The following RBM44 variants were observed in gnomAD, a reference collection of about 807,000 sequenced individuals.
RBM44 encodes the protein RNA-binding protein 44.
Under a neutral mutation model 105.1 loss-of-function variants are expected in RBM44, and 66 were observed. The observed-to-expected ratio is 0.63, with a 90% confidence interval of 0.52 to 0.77. The LOEUF (loss-of-function observed/expected upper bound fraction) is 0.77. RBM44 is among the 30% of genes least tolerant of loss of function. The pLI, the probability that RBM44 is intolerant of heterozygous loss-of-function variation, is 0.00. For missense variants in RBM44, 1,122 were observed against 1,207.8 expected (o/e 0.93, Z 1.05); for synonymous variants, 365 against 417.6 (o/e 0.87, Z 1.54).
Position 237,818,820 on chromosome 2 carries a change from T to G in RBM44, c.1678-81T>G. The G allele has an allele frequency of 1.2e-6, 1 of 831,996 alleles. No homozygotes were observed. Among genetic ancestry groups the G allele is most frequent in the East Asian group, 2.8e-5 (1 of 36,152 alleles). The allele number at this position is 831,996 out of a possible 1,614,324, so 51.5% of individuals were successfully genotyped here. A position where few individuals can be genotyped will look rare whatever the true frequency, so the allele number is the denominator to read the frequency against. ...CTGGCAGCTCCTCCCACAAAATCCA[T>G]TAGAAATTGAATTGTACATTTTATT... On this transcript the variant is annotated intron_variant, in intron 3 of 15. Transcript: ENST00000316997. The surrounding 1 kb of genome is among the most constrained non-coding windows in gnomAD (Gnocchi z 4.6).
chr2:237,823,827 C>T (rs2061818878), intron 9 of RBM44, among the ~76,000 whole-genome samples: 1 of 151,994 alleles, frequency 6.6e-6, no homozygotes, highest in Admixed American at 6.6e-5. Context: ...TAATTTGTAT[C>T]TCTGTAAATT....
At chr2:237,802,675 C>T (rs571520917) in intron 1 of RBM44, among the ~76,000 whole-genome samples, 1 of 152,280 alleles carries the variant, frequency 6.6e-6, no homozygotes, top group South Asian at 2.1e-4. Flanking sequence ...AATTGTATGC[C>T]TGTTGTGCTT....
intron 15 of RBM44, among the ~76,000 whole-genome samples, chr2:237,837,378 T>C (rs1217485750): frequency 6.6e-6 from 1 of 152,094 alleles, no homozygotes; most frequent in East Asian, 1.9e-4. Context: ...ATTGAAAACT[T>C]TATGGAAAGG....
intron 1 of RBM44, among the ~76,000 whole-genome samples, chr2:237,799,982 A>C (rs2061529200): frequency 6.6e-6 from 1 of 152,170 alleles, no homozygotes; most frequent in African/African-American, 2.4e-5. Flanking sequence ...AGAAAATAAT[A>C]AAAATGGGCA....
chr2:237,808,925 A>G (rs1418837175), intron 1 of RBM44, among the ~76,000 whole-genome samples: 1 of 152,202 alleles, frequency 6.6e-6, no homozygotes, highest in African/African-American at 2.4e-5. Context: ...CATATCATCA[A>G]ACATATATGC....
intron 1 of RBM44, among the ~76,000 whole-genome samples, chr2:237,807,147 C>T (rs2061607407): frequency 6.6e-6 from 1 of 151,866 alleles, no homozygotes; most frequent in Admixed American, 6.6e-5. Flanking sequence ...AATTTAAACA[C>T]CTAGGGAAAA....
intron 11 of RBM44, 43 bp from the exon 12 acceptor site, chr2:237,827,390 G>T (rs1021952315): frequency 6.8e-7 from 1 of 1,464,028 alleles, no homozygotes; most frequent in African/African-American, 1.4e-5. Flanking sequence ...CATATTTGTT[G>T]TTTTTTTCTA....
At chr2:237,811,398 A>G (rs866651143) in intron 1 of RBM44, among the ~76,000 whole-genome samples, 11 of 152,112 alleles carry the variant, frequency 7.2e-5, no homozygotes, top group Non-Finnish European at 1.5e-4. Context: ...CCTCCTGAGT[A>G]GCTGGGACTA....
At chr2:237,826,506 A>G (rs2061849725) in intron 10 of RBM44, among the ~76,000 whole-genome samples, 1 of 152,066 alleles carries the variant, frequency 6.6e-6, no homozygotes, top group Non-Finnish European at 1.5e-5. Context: ...ATTGCAAGCT[A>G]TATATTATAA....
intron 13 of RBM44, among the ~76,000 whole-genome samples, chr2:237,831,142 C>T (rs769661306): frequency 2.0e-5 from 3 of 151,156 alleles, no homozygotes; most frequent in East Asian, 1.9e-4. Flanking sequence ...CACAGACCTT[C>T]GCCTGTACTC....
chr2:237,799,690 G>A (rs1245998190), intron 1 of RBM44, among the ~76,000 whole-genome samples: 1 of 152,226 alleles, frequency 6.6e-6, no homozygotes, highest in South Asian at 2.1e-4. Flanking sequence ...CCGGACCGTT[G>A]TAGGGTTTTA....
chr2:237,809,726 T>A (rs900013264), intron 1 of RBM44, among the ~76,000 whole-genome samples: 25 of 152,198 alleles, frequency 1.6e-4, no homozygotes, highest in African/African-American at 5.8e-4. Context: ...ACTAACTAGG[T>A]CAGTGCTATT....
At chr2:237,816,817 A>G (rs959511616) in intron 2 of RBM44, among the ~76,000 whole-genome samples, 176 bp from the exon 3 acceptor site, 2 of 152,138 alleles carry the variant, frequency 1.3e-5, no homozygotes, top group East Asian at 3.9e-4. Context: ...CCTTCAAGGC[A>G]TCATTTGGGA....
At position 237,842,065 on chromosome 2, in the gene RBM44, AT is replaced by A. The variant is rs887846174; in HGVS notation, c.*256del. ...AATATAATTTTTAATAAGTTTTTAA[AT>A]TTTTTTATTTCAATTTTGTTACTTA... On this transcript the variant is annotated 3_prime_UTR_variant, in exon 16 of 16. Coordinates refer to ENST00000316997, the MANE Select transcript of RBM44 (RefSeq NM_001080504.3). The A allele has an allele frequency of 1.3e-5, 2 of 151,972 alleles. No homozygotes were observed. Among genetic ancestry groups the A allele is most frequent in the Admixed American group, 1.3e-4 (2 of 15,258 alleles). 9.4% of individuals were successfully genotyped at this position (151,972 alleles called of 1,614,324 possible).
chr2:237,828,759 A>G (rs2061874493), intron 12 of RBM44, among the ~76,000 whole-genome samples: 1 of 152,100 alleles, frequency 6.6e-6, no homozygotes. Context: ...ATATTTCCCC[A>G]CTACAAGGTC....
chr2:237,821,830 A>G lies in RBM44; in HGVS notation c.2205+3A>G. On this transcript the variant is annotated splice_donor_region_variant and intron_variant, in intron 8 of 15. Transcript: ENST00000316997. ...ACCTAAAAAAGACACTCTCTCAAGT[A>G]AGGGTCCTTGAAAGTTCATCAATGC... 6.3e-7 allele frequency: 1 copy of G among 1,591,670 alleles called. No individual in the cohort carries two copies. The highest frequency in any genetic ancestry group is 8.6e-7 in the Non-Finnish European group (1 of 1,161,122).
intron 2 of RBM44, among the ~76,000 whole-genome samples, chr2:237,814,903 C>G (rs972378548): frequency 2.6e-5 from 4 of 151,834 alleles, no homozygotes; most frequent in Non-Finnish European, 5.9e-5. Flanking sequence ...CCCACCCCCC[C>G]CTACACACAC....
intron 13 of RBM44, among the ~76,000 whole-genome samples, chr2:237,830,463 T>C (rs575996596): frequency 8.5e-5 from 13 of 152,242 alleles, no homozygotes; most frequent in Non-Finnish European, 1.9e-4. Context: ...ATTTATGAAG[T>C]ATAATTTATT....
At chr2:237,833,081 T>C (rs948091901) in intron 13 of RBM44, among the ~76,000 whole-genome samples, 2 of 152,222 alleles carry the variant, frequency 1.3e-5, no homozygotes, top group South Asian at 2.1e-4. Flanking sequence ...AACTATTGTA[T>C]CCCAAACTTT....
Sources: gnomAD v4.1 joint callset for allele counts (sites outside exome capture counted in the v4.1 genomes callset) on GRCh38, gnomAD v4.1.1 for gene constraint, Gnocchi (gnomAD v3.1) non-coding constraint, MANE v1.5 for transcripts, NCBI Gene and HGNC (gene_info 2026-07-23, HGNC 2026-07-21) for gene names.